Variants in TNS3 observed in about 807,000 individuals in gnomAD.
TNS3 encodes the protein tensin 3, also known as tensin-3.
TNS3 carries 45 observed loss-of-function variants against 140.9 expected under a neutral mutation model. The observed-to-expected ratio is 0.32, with a 90% CI of 0.25 to 0.41. The LOEUF (loss-of-function observed/expected upper bound fraction) is 0.41, where lower values mean the gene tolerates loss of function less well. Ranked by LOEUF, TNS3 falls within the 10% of genes least tolerant of loss-of-function variation. The pLI, the probability that TNS3 is intolerant of heterozygous loss-of-function variation, is 1.00. For synonymous variants in TNS3, 815 were observed against 788.4 expected (o/e 1.03, Z -0.56); for missense variants, 1,716 against 1,906.7 (o/e 0.90, Z 1.86).
chr7:47,485,930 G>C lies in TNS3; in HGVS notation c.-114-4789C>G, dbSNP rs146185111. Among the ~76,000 whole-genome samples, 1,487 of 152,218 alleles carry C rather than the reference G, an allele frequency of 9.8e-3. 16 individuals are homozygous for C. Among genetic ancestry groups the C allele is most frequent in the African/African-American group, 0.033 (1,390 of 41,522 alleles). On this transcript the variant is annotated intron_variant, in intron 3 of 30. Transcript: ENST00000311160. ...TGTCCTTGGGAATGTGAGTGTGTGG[G>C]TGAGCGTATGTGTGTGTGGATGAGT...
intron 3 of TNS3, among the ~76,000 whole-genome samples, chr7:47,500,680 G>A (rs2151860254): frequency 6.6e-6 from 1 of 152,278 alleles, no homozygotes; most frequent in East Asian, 1.9e-4. Flanking sequence ...CCATCTTCCT[G>A]AAGCTATTGT....
At chr7:47,496,054 G>A (rs2151844403) in intron 3 of TNS3, among the ~76,000 whole-genome samples, 1 of 152,278 alleles carries the variant, frequency 6.6e-6, no homozygotes, top group East Asian at 1.9e-4. Flanking sequence ...ATGCCACCCA[G>A]CCCAGAAGCC....
intron 17 of TNS3, among the ~76,000 whole-genome samples, chr7:47,366,240 A>T (rs1790690336): frequency 6.6e-6 from 1 of 152,182 alleles, no homozygotes; most frequent in African/African-American, 2.4e-5. Context: ...TTGTTCAGGG[A>T]CTGCTACCCT....
chr7:47,515,637 C>T (rs972523100), intron 2 of TNS3, among the ~76,000 whole-genome samples: 16 of 152,026 alleles, frequency 1.1e-4, no homozygotes, highest in African/African-American at 3.6e-4. Context: ...TCTTCACCAA[C>T]ATCATACCAT....
At chr7:47,390,763 T>C (rs951125587) in intron 16 of TNS3, among the ~76,000 whole-genome samples, 4 of 152,156 alleles carry the variant, frequency 2.6e-5, no homozygotes, top group African/African-American at 9.7e-5. Flanking sequence ...CCTCTAAATC[T>C]GTCATAGAGT....
chr7:47,422,890 A>G (rs80049378), intron 10 of TNS3, among the ~76,000 whole-genome samples: 1 of 151,922 alleles, frequency 6.6e-6, no homozygotes, highest in African/African-American at 2.4e-5. Flanking sequence ...CAAAAAAAAA[A>G]CCCAAGTGAC....
chr7:47,580,930 T>TG (rs1562868096), intron 1 of TNS3, among the ~76,000 whole-genome samples: 2 of 151,892 alleles, frequency 1.3e-5, no homozygotes, highest in South Asian at 2.1e-4. Flanking sequence ...GTGAAAAAAA[T>TG]GGGGGGAAAG....
At chr7:47,358,960 A>T (rs537253680) in intron 17 of TNS3, among the ~76,000 whole-genome samples, 5 of 152,286 alleles carry the variant, frequency 3.3e-5, no homozygotes, top group African/African-American at 1.2e-4. Flanking sequence ...ACCTGGTGAT[A>T]CCAAATGACT....
chr7:47,567,390 C>T (rs1387123068), intron 1 of TNS3, among the ~76,000 whole-genome samples: 1 of 152,160 alleles, frequency 6.6e-6, no homozygotes, highest in Non-Finnish European at 1.5e-5. Context: ...TTCACAATCA[C>T]TTTAAGACGT....
chr7:47,537,065 CG>C lies in TNS3; in HGVS notation c.-264-7919del, dbSNP rs566192103. On this transcript the variant is annotated intron_variant, in intron 1 of 30. Transcript: ENST00000311160. ...CGCCGGCGCGACCGGGTTCCGCGCG[CG>C]AACCCTCCCGGTGGCCCAGGGGTCA... 6.1e-4 allele frequency among the ~76,000 whole-genome samples: 92 copies of C among 151,906 alleles called. No individual in the cohort carries two copies. Among genetic ancestry groups the C allele is most frequent in the African/African-American group, 2.0e-3 (81 of 41,526 alleles).
chr7:47,298,543 G>A lies in TNS3; in HGVS notation c.3545-1330C>T, dbSNP rs1162221944. On this transcript the variant is annotated intron_variant, in intron 23 of 30. Coordinates refer to ENST00000311160, the MANE Select transcript of TNS3 (RefSeq NM_022748.12). ...GACATTTACTCTTTATTTTAAAAAA[G>A]GGAAAACTGGGGATTTAGAGTATAA... is the stretch of plus-strand genomic sequence containing the variant. Among the ~76,000 whole-genome samples the A allele has an allele frequency of 5.3e-5, 8 of 152,178 alleles. No individual in the cohort carries two copies. In the South Asian group the frequency reaches 6.2e-4, roughly 12 times the overall value.
At chr7:47,450,645 G>A (rs967095383) in intron 4 of TNS3, among the ~76,000 whole-genome samples, 10 of 152,204 alleles carry the variant, frequency 6.6e-5, no homozygotes, top group African/African-American at 2.4e-4. Flanking sequence ...CTGACCACTG[G>A]CAGAAAGCAG....
At chr7:47,482,592 TC>T (rs898776583) in intron 3 of TNS3, among the ~76,000 whole-genome samples, 3 of 152,148 alleles carry the variant, frequency 2.0e-5, no homozygotes, top group African/African-American at 7.2e-5. Flanking sequence ...GTGACTTATC[TC>T]CCCTCAAGCA....
intron 16 of TNS3, among the ~76,000 whole-genome samples, chr7:47,381,860 A>G (rs1034184557): frequency 6.6e-6 from 1 of 152,266 alleles, no homozygotes; most frequent in African/African-American, 2.4e-5. Flanking sequence ...TATTGTTACC[A>G]TTCTGCAAAT....
At chr7:47,386,667 C>T (rs1360955706) in intron 16 of TNS3, among the ~76,000 whole-genome samples, 1 of 152,244 alleles carries the variant, frequency 6.6e-6, no homozygotes, top group Admixed American at 6.5e-5. Flanking sequence ...CTCAGCCTGG[C>T]ATGCGTCCCC....
rs916835365 is a variant in TNS3 at position 47,481,406 on chromosome 7, C to T, written c.-114-265G>A. ...GAAAAATGCAAATCACTCATAGATA[C>T]AAAATTTAGCCCCCACTTTCACAAA... On this transcript the variant is annotated intron_variant, in intron 3 of 30. Coordinates refer to ENST00000311160, the MANE Select transcript of TNS3 (RefSeq NM_022748.12). 4 of 310,460 alleles carry T rather than the reference C, an allele frequency of 1.3e-5. No homozygotes were observed. In the Admixed American group the frequency reaches 1.9e-4, roughly 14 times the overall value. The allele number at this position is 310,460 out of a possible 1,614,324, so 19.2% of individuals were successfully genotyped here.
At chr7:47,542,645 T>G (rs766307923) in intron 1 of TNS3, among the ~76,000 whole-genome samples, 3 of 152,100 alleles carry the variant, frequency 2.0e-5, no homozygotes, top group Non-Finnish European at 4.4e-5. Flanking sequence ...TTAAAAGCAC[T>G]TTACGGCCGA....
intron 4 of TNS3, among the ~76,000 whole-genome samples, chr7:47,467,645 AG>A (rs1274622346): frequency 2.0e-5 from 3 of 152,174 alleles, no homozygotes. Flanking sequence ...CTGCCCAAAA[AG>A]CTCAAGATGC....
chr7:47,284,360 C>T (rs1372047022), intron 27 of TNS3, among the ~76,000 whole-genome samples: 1 of 152,164 alleles, frequency 6.6e-6, no homozygotes, highest in African/African-American at 2.4e-5. Context: ...GAAGGAATGG[C>T]TTGCAGTGAG....
Sources: allele counts gnomAD v4.1 joint callset (sites outside exome capture counted in the v4.1 genomes callset), GRCh38; gene constraint gnomAD v4.1.1; transcripts MANE v1.5; gene names NCBI Gene and HGNC (gene_info 2026-07-23, HGNC 2026-07-21).